Variants in PTPRJ observed in about 807,000 individuals in gnomAD.
PTPRJ encodes receptor-type tyrosine-protein phosphatase eta.
PTPRJ carries 129 observed loss-of-function variants against 141.3 expected under a neutral mutation model. The ratio of observed to expected loss-of-function variants is 0.91; its 90% CI spans 0.79 to 1.06. PTPRJ has a LOEUF of 1.06. PTPRJ is among the 50% of genes least tolerant of loss of function. The probability of loss-of-function intolerance (pLI) is 0.00; values close to 1 mark genes in which losing one functional copy is unlikely to be tolerated. For missense variants in PTPRJ, 1,601 were observed against 1,679.7 expected, an observed-to-expected ratio of 0.95 and a Z score of 0.82; for synonymous variants, 610 against 640.5, an observed-to-expected ratio of 0.95 and a Z score of 0.72.
intron 1 of PTPRJ, among the ~76,000 whole-genome samples, chr11:48,009,027 TATAAG>T (rs1381102780): frequency 6.6e-6 from 1 of 152,226 alleles, no homozygotes; most frequent in African/African-American, 2.4e-5. Flanking sequence ...CTCATCCTTG[TATAAG>T]ATAAGTCACA....
At chr11:48,135,454 G>A (rs1184071960) in intron 8 of PTPRJ, among the ~76,000 whole-genome samples, 1 of 148,638 alleles carries the variant, frequency 6.7e-6, no homozygotes, top group African/African-American at 2.5e-5. Flanking sequence ...TGGGATTACA[G>A]GCGTGATCCA....
intron 1 of PTPRJ, among the ~76,000 whole-genome samples, chr11:48,091,150 G>T (rs1269084592): frequency 6.6e-6 from 1 of 152,126 alleles, no homozygotes; most frequent in East Asian, 1.9e-4. Context: ...AGGAAGGCGG[G>T]GCAATGTTAG....
At chr11:48,020,401 G>C (rs1855085122) in intron 1 of PTPRJ, among the ~76,000 whole-genome samples, 1 of 152,162 alleles carries the variant, frequency 6.6e-6, no homozygotes, top group Non-Finnish European at 1.5e-5. Context: ...AGGCGTGAAT[G>C]CTCTTTGTTT....
At chr11:48,094,123 A>G (rs1395791280) in intron 1 of PTPRJ, among the ~76,000 whole-genome samples, 1 of 152,228 alleles carries the variant, frequency 6.6e-6, no homozygotes, top group Non-Finnish European at 1.5e-5. Flanking sequence ...AATCCCATTC[A>G]TATTTCAGTG....
chr11:48,005,689 G>A (rs1257952877), intron 1 of PTPRJ, among the ~76,000 whole-genome samples: 1 of 152,218 alleles, frequency 6.6e-6, no homozygotes, highest in Non-Finnish European at 1.5e-5. Context: ...GTGGCCACGG[G>A]TTTTCAATGT....
chr11:48,012,669 G>A (rs1854836299), intron 1 of PTPRJ, among the ~76,000 whole-genome samples: 1 of 152,148 alleles, frequency 6.6e-6, no homozygotes, highest in Admixed American at 6.5e-5. Context: ...CCCCTTGAGA[G>A]AGGTTTCAGA....
At chr11:48,019,270 G>C (rs980930375) in intron 1 of PTPRJ, among the ~76,000 whole-genome samples, 5 of 152,148 alleles carry the variant, frequency 3.3e-5, no homozygotes. Flanking sequence ...TGACGAGGAA[G>C]CATCCCGCCC....
chr11:48,146,858 C>T lies in PTPRJ; in HGVS notation c.2912-18C>T, dbSNP rs759421192. ...CATGAACACCTCTTGAAGTGTCTCC[C>T]ATTTGGACTTTTCTCAGGTGTCATC... On this transcript the variant is annotated intron_variant, in intron 14 of 24. Transcript: ENST00000418331. The T allele has an allele frequency of 6.2e-6, 10 of 1,609,976 alleles. No homozygotes were observed. In the South Asian group the frequency reaches 9.9e-5, roughly 16 times the overall value.
chr11:48,162,876 G>C (rs569764248), intron 22 of PTPRJ, among the ~76,000 whole-genome samples: 1 of 152,100 alleles, frequency 6.6e-6, no homozygotes, highest in Non-Finnish European at 1.5e-5. Context: ...TTTTTTGGGG[G>C]AGTCCTTTCT....
At chr11:48,071,604 AGCC>A (rs1855256137) in intron 1 of PTPRJ, among the ~76,000 whole-genome samples, 1 of 81,406 alleles carries the variant, frequency 1.2e-5, no homozygotes. Context: ...CACCGCACCC[AGCC>A]TTTTTTTTTT....
intron 1 of PTPRJ, among the ~76,000 whole-genome samples, chr11:48,082,490 G>A (rs1330934226): frequency 6.1e-5 from 9 of 146,868 alleles, no homozygotes; most frequent in Admixed American, 2.1e-4. Flanking sequence ...GTCATGGCTC[G>A]CTGCAGCCTC....
intron 18 of PTPRJ, among the ~76,000 whole-genome samples, chr11:48,152,799 T>C (rs1467646105): frequency 6.6e-6 from 1 of 152,208 alleles, no homozygotes; most frequent in East Asian, 1.9e-4. Context: ...TCTGTTTTGG[T>C]ACCAGTGCCA....
intron 1 of PTPRJ, among the ~76,000 whole-genome samples, chr11:48,090,832 G>T (rs1855851509): frequency 6.6e-6 from 1 of 152,058 alleles, no homozygotes; most frequent in Non-Finnish European, 1.5e-5. Context: ...CTGCCCGCCT[G>T]GTCCTGTGGC....
chr11:48,156,247 CTTG>C (rs1449313388), intron 21 of PTPRJ, 128 bp downstream of exon 21: 3 of 770,962 alleles, frequency 3.9e-6, no homozygotes, highest in Non-Finnish European at 2.0e-6. Flanking sequence ...TTCTTATAAA[CTTG>C]TTTTCTGTCT....
Position 47,980,787 on chromosome 11 carries a change from A to T in PTPRJ, c.-126A>T. On this transcript the variant is annotated 5_prime_UTR_variant, in exon 1 of 25. Transcript: ENST00000418331. ...GCCCGGGGCGGGCGGAGCGGGGACGAGGCGGACCGGCTGGCGGAGGAGGAG... is the reference window on the plus strand; with the variant it reads ...GCCCGGGGCGGGCGGAGCGGGGACGTGGCGGACCGGCTGGCGGAGGAGGAG... 9.7e-7 allele frequency: 1 copy of T among 1,032,204 alleles called. No individual in the cohort carries two copies. The highest frequency in any genetic ancestry group is 9.1e-5 in the East Asian group (1 of 11,000). The allele number at this position is 1,032,204 out of a possible 1,614,324, so 63.9% of individuals were successfully genotyped here. A position where few individuals can be genotyped will look rare whatever the true frequency, so the allele number is the denominator to read the frequency against.
intron 5 of PTPRJ, 44 bp downstream of exon 5, chr11:48,123,914 C>G: frequency 1.3e-6 from 2 of 1,551,268 alleles, no homozygotes; most frequent in Non-Finnish European, 1.8e-6. Flanking sequence ...CTGGTTCTTA[C>G]TTTCAGTAAC....
intron 24 of PTPRJ, among the ~76,000 whole-genome samples, chr11:48,166,647 AT>A (rs1299448546): frequency 2.6e-5 from 4 of 151,600 alleles, no homozygotes; most frequent in Non-Finnish European, 5.9e-5. Flanking sequence ...CTTCTCTGTG[AT>A]TTTTTTTCTC....
In PTPRJ at chr11:47,980,956, C is replaced by G; in HGVS notation, c.44C>G (p.Pro15Arg). The stretch of plus-strand genomic sequence containing the variant: ...GAGGCGCGGCTGCCTCCGCGCTCGC[C>G]CGGGCTGCGCTGGGCGCTGCCGCTG... ...AREARLPPRS[P>R]GLRWALPLLL... The change falls in exon 1 of 25, where the codon CCC becomes CGC. Residue 15 changes from proline to arginine, a missense_variant. Transcript: ENST00000418331. The G allele has an allele frequency of 8.3e-7, 1 of 1,202,914 alleles. No homozygotes were observed. The highest frequency in any genetic ancestry group is 4.4e-5 in the Admixed American group (1 of 22,536). 74.5% of individuals were successfully genotyped at this position (1,202,914 alleles called of 1,614,324 possible).
rs748250751 is a variant in PTPRJ at position 48,012,312 on chromosome 11, G to T, written c.96+31304G>T. 1.6e-4 allele frequency among the ~76,000 whole-genome samples: 25 copies of T among 152,144 alleles called. 1 individual carries two copies. Among genetic ancestry groups the T allele is most frequent in the Non-Finnish European group, 1.5e-5 (1 of 68,036 alleles). ...CACAGCCCCAAGGTCATGTTTTCAAGGTTGGCATTTGGGAGGCCTTGTCAG... is the reference window on the plus strand; with the variant it reads ...CACAGCCCCAAGGTCATGTTTTCAATGTTGGCATTTGGGAGGCCTTGTCAG... On this transcript the variant is annotated intron_variant, in intron 1 of 24. Coordinates refer to ENST00000418331, the MANE Select transcript of PTPRJ (RefSeq NM_002843.4).
Sources: allele counts gnomAD v4.1 joint callset (sites outside exome capture counted in the v4.1 genomes callset), GRCh38; gene constraint gnomAD v4.1.1; transcripts MANE v1.5; gene names NCBI Gene and HGNC (gene_info 2026-07-23, HGNC 2026-07-21).